Variants in GALM observed in about 807,000 individuals in gnomAD.
GALM encodes galactose mutarotase, also known as aldose 1-epimerase.
Under a neutral mutation model 37.4 loss-of-function variants are expected in GALM, and 43 were observed. The ratio of observed to expected loss-of-function variants is 1.15; its 90% CI spans 0.90 to 1.48. The LOEUF (loss-of-function observed/expected upper bound fraction) is 1.48, where lower values mean the gene tolerates loss of function less well. GALM is among the 40% of genes most tolerant of loss of function. The probability of loss-of-function intolerance (pLI) is 0.00; values close to 1 mark genes in which losing one functional copy is unlikely to be tolerated. For missense variants in GALM, 456 were observed against 419.1 expected (o/e 1.09, Z -0.77); for synonymous variants, 199 against 170.6 (o/e 1.17, Z -1.30).
chr2:38,675,458 T>G (rs980230460), intron 1 of GALM, among the ~76,000 whole-genome samples: 2 of 151,556 alleles, frequency 1.3e-5, no homozygotes, highest in African/African-American at 4.9e-5. Context: ...TGTTACCATG[T>G]GCAGCATTCG....
chr2:38,697,966 CA>C (rs1376553367), intron 4 of GALM, among the ~76,000 whole-genome samples: 4 of 151,228 alleles, frequency 2.6e-5, no homozygotes, highest in African/African-American at 9.7e-5. Flanking sequence ...TTTTTTTAGA[CA>C]GAGTCTCACT....
intron 3 of GALM, among the ~76,000 whole-genome samples, chr2:38,687,894 C>T (rs954137157): frequency 6.6e-6 from 1 of 152,072 alleles, no homozygotes; most frequent in African/African-American, 2.4e-5. Flanking sequence ...CTGTTTCCAG[C>T]TAACCTGTCC....
At position 38,729,608 on chromosome 2, in the gene GALM, G is replaced by C; in HGVS notation, c.687G>C (p.Glu229Asp). 1 of 1,613,528 alleles carries C rather than the reference G, an allele frequency of 6.2e-7. No homozygotes were observed. The highest frequency in any genetic ancestry group is 8.5e-7 in the Non-Finnish European group (1 of 1,179,560). Residue 229 changes from glutamate to aspartate, a missense_variant, in exon 5 of 7, where the codon GAG (glutamate) becomes GAC (aspartate). Transcript: ENST00000272252. ...GTAFDLRKPV[E>D]LGKHLQDFHL... is the part of the protein sequence containing the mutation. The stretch of plus-strand genomic sequence containing the variant: ...CATTCGACCTGAGAAAGCCAGTGGA[G>C]CTTGGAAAACACCTGCAGGACTTCC...
chr2:38,669,130 G>C lies in GALM; in HGVS notation c.190+2779G>C, dbSNP rs1426111773. 2.0e-5 allele frequency: 3 copies of C among 152,124 alleles called. No homozygotes were observed. In the East Asian group the frequency reaches 5.8e-4, roughly 29 times the overall value. 9.4% of individuals were successfully genotyped at this position (152,124 alleles called of 1,614,324 possible). On this transcript the variant is annotated intron_variant, in intron 1 of 6. Transcript: ENST00000272252. ...AAGAGAGGAGACCACCCCTCATATTGCCTTATGCCCAATTTCTGCCTCCAA... is the reference window on the plus strand; with the variant it reads ...AAGAGAGGAGACCACCCCTCATATTCCCTTATGCCCAATTTCTGCCTCCAA...
intron 4 of GALM, among the ~76,000 whole-genome samples, chr2:38,708,470 A>G (rs1666085514): frequency 6.6e-6 from 1 of 151,978 alleles, no homozygotes; most frequent in South Asian, 2.1e-4. Context: ...GCCTGGGCAC[A>G]GTGGCTCAAG....
chr2:38,712,994 G>C (rs1439632741), intron 4 of GALM, among the ~76,000 whole-genome samples: 1 of 152,118 alleles, frequency 6.6e-6, no homozygotes, highest in Non-Finnish European at 1.5e-5. Flanking sequence ...ATGTAACCTA[G>C]CTGTGTTCAA....
chr2:38,681,798 G>A lies in GALM; in HGVS notation c.552+312G>A, dbSNP rs1463025460. On this transcript the variant is annotated intron_variant, in intron 3 of 6. Transcript: ENST00000272252. Reference sequence around the variant, plus strand: ...CTTATATTTGCTTCCCTTATTCCACGTCTACTCCCTGCAAATTTGTTCCAA... The same window carrying A: ...CTTATATTTGCTTCCCTTATTCCACATCTACTCCCTGCAAATTTGTTCCAA... Among the ~76,000 whole-genome samples the A allele has an allele frequency of 7.2e-5, 11 of 152,238 alleles. No homozygotes were observed. In the East Asian group the frequency reaches 1.9e-3, roughly 27 times the overall value.
intron 4 of GALM, among the ~76,000 whole-genome samples, chr2:38,717,266 A>C (rs1161208781): frequency 1.3e-5 from 2 of 150,382 alleles, no homozygotes; most frequent in Non-Finnish European, 3.0e-5. Context: ...AAAAAAAAAA[A>C]GTTTATGCTG....
Position 38,666,339 on chromosome 2 carries a change from G to A in GALM, c.178G>A (p.Ala60Thr), listed in dbSNP as rs1664932465. The part of the protein sequence containing the change: ...GRASDVVLGF[A>T]ELEGYLQKQP... ...AGCCTCGGACGTGGTGCTTGGCTTC[G>A]CCGAGTTGGAAGGTGGGTTGAACTG... Residue 60 changes from alanine (A) to threonine (T), a missense_variant, in exon 1 of 7, where the codon GCC (alanine) becomes ACC (threonine). Coordinates refer to ENST00000272252, the MANE Select transcript of GALM (RefSeq NM_138801.3). The A allele has an allele frequency of 1.2e-6, 2 of 1,611,426 alleles. No individual in the cohort carries two copies. The highest frequency in any genetic ancestry group is 1.1e-5 in the South Asian group (1 of 90,754).
chr2:38,668,772 T>A (rs982383661), intron 1 of GALM: 4 of 150,596 alleles, frequency 2.7e-5, no homozygotes, highest in African/African-American at 9.8e-5. Flanking sequence ...CTAAAATAAA[T>A]AAAAATAAAT....
chr2:38,685,050 C>T (rs1665488340), intron 3 of GALM, among the ~76,000 whole-genome samples: 1 of 152,118 alleles, frequency 6.6e-6, no homozygotes, highest in Non-Finnish European at 1.5e-5. Flanking sequence ...TAGTCACATC[C>T]AGAGACAAAA....
chr2:38,694,911 A>AAG (rs1665768241), intron 4 of GALM, among the ~76,000 whole-genome samples: 2 of 150,426 alleles, frequency 1.3e-5, no homozygotes, highest in South Asian at 4.2e-4. Context: ...AAAAAAAAAA[A>AAG]ACAAAAAAAG....
At chr2:38,718,143 C>T (rs1370399083) in intron 4 of GALM, among the ~76,000 whole-genome samples, 1 of 150,586 alleles carries the variant, frequency 6.6e-6, no homozygotes, top group African/African-American at 2.4e-5. Flanking sequence ...AGCCAGAAGA[C>T]AGTTTCCAAA....
At chr2:38,714,329 T>C (rs1441829931) in intron 4 of GALM, among the ~76,000 whole-genome samples, 3 of 152,030 alleles carry the variant, frequency 2.0e-5, no homozygotes, top group African/African-American at 7.2e-5. Context: ...ATTTTCCTGC[T>C]TCAGCCTCCC....
At chr2:38,669,604 G>A (rs1180089564) in intron 1 of GALM, 3 of 152,006 alleles carry the variant, frequency 2.0e-5, no homozygotes, top group Non-Finnish European at 4.4e-5. Context: ...AATGTTTTTT[G>A]CCGGGCACGG....
intron 2 of GALM, among the ~76,000 whole-genome samples, chr2:38,679,644 TC>T (rs1209279930): frequency 1.3e-5 from 2 of 152,120 alleles, no homozygotes; most frequent in African/African-American, 4.8e-5. Flanking sequence ...ATCCCAGAGC[TC>T]TCTAAAGGCA....
At chr2:38,710,856 C>T (rs1279363257) in intron 4 of GALM, among the ~76,000 whole-genome samples, 4 of 150,436 alleles carry the variant, frequency 2.7e-5, no homozygotes, top group Admixed American at 1.3e-4. Context: ...TGGGTTCAAG[C>T]GATTCTCCTG....
chr2:38,711,598 A>G (rs1242838998), intron 4 of GALM, among the ~76,000 whole-genome samples: 13 of 151,804 alleles, frequency 8.6e-5, no homozygotes, highest in Admixed American at 7.9e-4. Flanking sequence ...AATACTTATG[A>G]GAGTTAGTAT....
intron 4 of GALM, among the ~76,000 whole-genome samples, chr2:38,727,940 G>C (rs1212065499): frequency 6.6e-6 from 1 of 152,014 alleles, no homozygotes; most frequent in African/African-American, 2.4e-5. Flanking sequence ...GCCCTACTTT[G>C]CATGCTACTT....
Sources: allele counts gnomAD v4.1 joint callset (sites outside exome capture counted in the v4.1 genomes callset), GRCh38; gene constraint gnomAD v4.1.1; transcripts MANE v1.5; gene names NCBI Gene and HGNC (gene_info 2026-07-23, HGNC 2026-07-21).